Variants in GLRX5 observed in about 807,000 individuals in gnomAD.
The protein encoded by GLRX5 is glutaredoxin-related protein 5, mitochondrial.
GLRX5 carries 10 observed loss-of-function variants against 13.8 expected under a neutral mutation model. The ratio of observed to expected loss-of-function variants is 0.72; its 90% CI spans 0.45 to 1.23. GLRX5 has a LOEUF of 1.23. GLRX5 is among the 50% of genes most tolerant of loss of function. GLRX5 has a pLI of 0.00. For synonymous variants in GLRX5, 98 were observed against 101.1 expected, an observed-to-expected ratio of 0.97 and a Z score of 0.18; for missense variants, 233 against 215.2, an observed-to-expected ratio of 1.08 and a Z score of -0.52.
Position 95,544,212 on chromosome 14 carries a change from C to T in GLRX5, c.*87C>T. 3 of 1,075,002 alleles carry T rather than the reference C, an allele frequency of 2.8e-6. No homozygotes were observed. The highest frequency in any genetic ancestry group is 4.2e-6 in the Non-Finnish European group (3 of 711,214). The allele number at this position is 1,075,002 out of a possible 1,614,324, so 66.6% of individuals were successfully genotyped here. ...AAAGCCTTACCCATTTTGGTTTTCACTATTGAGACCGCAACTGCTTGCACT... is the reference window on the plus strand; with the variant it reads ...AAAGCCTTACCCATTTTGGTTTTCATTATTGAGACCGCAACTGCTTGCACT... On this transcript the variant is annotated 3_prime_UTR_variant, in exon 2 of 2. Coordinates refer to ENST00000331334, the MANE Select transcript of GLRX5 (RefSeq NM_016417.3).
In GLRX5 at chr14:95,535,236, G is replaced by A. The variant is rs1208651112; in HGVS notation, c.147G>A (p.Val49=). 1.3e-6 allele frequency: 2 copies of A among 1,563,988 alleles called. No homozygotes were observed. Among genetic ancestry groups the A allele is most frequent in the Non-Finnish European group, 1.7e-6 (2 of 1,156,944 alleles). ...CGGCGGAGCAGTTGGACGCGCTGGTGAAGAAGGACAAGGTGGTGGTCTTCC... is the reference window on the plus strand; with the variant it reads ...CGGCGGAGCAGTTGGACGCGCTGGTAAAGAAGGACAAGGTGGTGGTCTTCC... ...GGSAEQLDAL[V]KKDKVVVFLK... Residue 49 remains valine, a synonymous_variant, in exon 1 of 2, where the codon GTG becomes GTA. Coordinates refer to ENST00000331334, the MANE Select transcript of GLRX5 (RefSeq NM_016417.3).
In GLRX5 at chr14:95,543,981, G is replaced by T. The variant is rs200453045; in HGVS notation, c.330G>T (p.Pro110=). 6.2e-7 allele frequency: 1 copy of T among 1,613,964 alleles called. No individual in the cohort carries two copies. The highest frequency in any genetic ancestry group is 8.5e-7 in the Non-Finnish European group (1 of 1,179,840). The part of the protein sequence containing the change: ...IKDYSNWPTI[P]QVYLNGEFVG... ...ACTATTCCAACTGGCCCACCATCCCGCAAGTGTACCTCAATGGCGAGTTTG... is the reference window on the plus strand; with the variant it reads ...ACTATTCCAACTGGCCCACCATCCCTCAAGTGTACCTCAATGGCGAGTTTG... The change falls in exon 2 of 2, where the codon CCG becomes CCT. Residue 110 remains proline (P), a synonymous_variant. Transcript: ENST00000331334.
Position 95,535,173 on chromosome 14 carries a change from C to G in GLRX5, c.84C>G (p.Gly28=), listed in dbSNP as rs1566702417. The part of the protein sequence containing the change: ...GAGGGGLWGP[G]VRAAGSGAGG... Reference sequence around the variant, plus strand: ...GCGGCGGTGGCCTTTGGGGTCCGGGCGTGCGGGCGGCGGGCTCGGGCGCGG... The same window carrying G: ...GCGGCGGTGGCCTTTGGGGTCCGGGGGTGCGGGCGGCGGGCTCGGGCGCGG... The change falls in exon 1 of 2, where the codon GGC becomes GGG. Residue 28 remains glycine (G), a synonymous_variant. Coordinates refer to ENST00000331334, the MANE Select transcript of GLRX5 (RefSeq NM_016417.3). 2 of 1,461,338 alleles carry G rather than the reference C, an allele frequency of 1.4e-6. No individual in the cohort carries two copies. Among genetic ancestry groups the G allele is most frequent in the Admixed American group, 2.4e-5 (1 of 42,026 alleles). 90.5% of individuals were successfully genotyped at this position (1,461,338 alleles called of 1,614,324 possible).
At position 95,535,050 on chromosome 14, in the gene GLRX5, G is replaced by A; in HGVS notation, c.-40G>A. On this transcript the variant is annotated 5_prime_UTR_variant, in exon 1 of 2. It adds an upstream start codon to the 5' untranslated region. Transcript: ENST00000331334. The stretch of plus-strand genomic sequence containing the variant: ...CGGGGAGCGCTCTGGGTGGCCAGCT[G>A]TGGGCCCGGGCCGTCGTGGGCTCCG... 1.5e-6 allele frequency: 2 copies of A among 1,304,692 alleles called. No individual in the cohort carries two copies. The allele number at this position is 1,304,692 out of a possible 1,614,324, so 80.8% of individuals were successfully genotyped here. A position where few individuals can be genotyped will look rare whatever the true frequency, so the allele number is the denominator to read the frequency against.
intron 1 of GLRX5, among the ~76,000 whole-genome samples, chr14:95,537,799 TGATACA>T (rs1891405741): frequency 6.6e-6 from 1 of 152,234 alleles, no homozygotes; most frequent in Non-Finnish European, 1.5e-5. Flanking sequence ...CCCAGGAGTG[TGATACA>T]GACACATCTT....
chr14:95,543,265 G>A (rs1387167764), intron 1 of GLRX5: 1 of 448,618 alleles, frequency 2.2e-6, no homozygotes, highest in Non-Finnish European at 4.5e-6. Context: ...CATCACAGTG[G>A]CTGGATAGAT....
At chr14:95,541,656 G>T (rs967567738) in intron 1 of GLRX5, among the ~76,000 whole-genome samples, 1 of 152,174 alleles carries the variant, frequency 6.6e-6, no homozygotes, top group African/African-American at 2.4e-5. Context: ...GATTCTGGGG[G>T]TCTCCCCTTC....
chr14:95,538,238 TAATA>T (rs1237861558), intron 1 of GLRX5, among the ~76,000 whole-genome samples: 5 of 152,350 alleles, frequency 3.3e-5, no homozygotes, highest in Admixed American at 1.3e-4. Context: ...GTGAGCATTT[TAATA>T]AATAAATAAA....
At chr14:95,535,522 T>A in intron 1 of GLRX5, 138 bp downstream of exon 1, 1 of 806,500 alleles carries the variant, frequency 1.2e-6, no homozygotes, top group Non-Finnish European at 2.0e-6. Context: ...CGAGCCGGGT[T>A]AGGGCGAGGA....
chr14:95,542,075 A>G (rs1891482999), intron 1 of GLRX5, among the ~76,000 whole-genome samples: 1 of 152,360 alleles, frequency 6.6e-6, no homozygotes, highest in Middle Eastern at 3.4e-3. Flanking sequence ...CTCAGTCATC[A>G]TAAAGGTAAA....
chr14:95,537,846 A>G (rs1479685347), intron 1 of GLRX5, among the ~76,000 whole-genome samples: 1 of 152,240 alleles, frequency 6.6e-6, no homozygotes, highest in Non-Finnish European at 1.5e-5. Flanking sequence ...AAAGGTGACT[A>G]TGAGGCAGCA....
At chr14:95,536,462 C>T (rs978049623) in intron 1 of GLRX5, among the ~76,000 whole-genome samples, 1 of 152,172 alleles carries the variant, frequency 6.6e-6, no homozygotes, top group African/African-American at 2.4e-5. Flanking sequence ...AAAATAGGTG[C>T]CAGGTTCTCT....
At chr14:95,539,843 T>C (rs1263176163) in intron 1 of GLRX5, among the ~76,000 whole-genome samples, 1 of 152,160 alleles carries the variant, frequency 6.6e-6, no homozygotes, top group Non-Finnish European at 1.5e-5. Flanking sequence ...GTAAAACGCT[T>C]AAAGAGTATG....
Position 95,535,114 on chromosome 14 carries a change from G to A in GLRX5, c.25G>A (p.Ala9Thr), listed in dbSNP as rs1168665176. Residue 9 changes from alanine (A) to threonine (T), a missense_variant, in exon 1 of 2, where the codon GCG becomes ACG. Ala to Thr is a moderately conservative substitution (Grantham distance 58). Transcript: ENST00000331334. ...GATGAGCGGGTCCCTCGGCCGAGCTGCGGCGGCTCTGCTCCGCTGGGGGCG... is the reference window on the plus strand; with the variant it reads ...GATGAGCGGGTCCCTCGGCCGAGCTACGGCGGCTCTGCTCCGCTGGGGGCG... MSGSLGRAAAALLRWGRGA... is the reference protein window; with the variant it reads MSGSLGRATAALLRWGRGA... 7 of 1,308,176 alleles carry A rather than the reference G, an allele frequency of 5.4e-6. No individual in the cohort carries two copies. In the African/African-American group the frequency reaches 7.7e-5, roughly 14 times the overall value. 81.0% of individuals were successfully genotyped at this position (1,308,176 alleles called of 1,614,324 possible). A position where few individuals can be genotyped will look rare whatever the true frequency, so the allele number is the denominator to read the frequency against.
At chr14:95,539,958 C>T (rs966949960) in intron 1 of GLRX5, among the ~76,000 whole-genome samples, 9 of 151,416 alleles carry the variant, frequency 5.9e-5, no homozygotes, top group African/African-American at 1.9e-4. Context: ...GGGGCAATCT[C>T]GGCTCACTGC....
At chr14:95,535,960 A>G (rs1891369730) in intron 1 of GLRX5, among the ~76,000 whole-genome samples, 1 of 152,110 alleles carries the variant, frequency 6.6e-6, no homozygotes, top group South Asian at 2.1e-4. Context: ...GCTACAAGCA[A>G]AGGGTTGGGA....
At chr14:95,543,533 T>G in intron 1 of GLRX5, 1 of 315,276 alleles carries the variant, frequency 3.2e-6, no homozygotes. Flanking sequence ...GCTTGAAGCT[T>G]GACTGGTAGA....
rs568008972 is a variant in GLRX5 at position 95,537,678 on chromosome 14, G to A, written c.295+2294G>A. Among the ~76,000 whole-genome samples the A allele has an allele frequency of 4.9e-4, 75 of 152,334 alleles. 1 individual carries two copies. The highest frequency in any genetic ancestry group is 1.6e-3 in the African/African-American group (68 of 41,582). On this transcript the variant is annotated intron_variant, in intron 1 of 1. Coordinates refer to ENST00000331334, the MANE Select transcript of GLRX5 (RefSeq NM_016417.3). ...CAAGGTCATTTCTAGTAATAGGAAC[G>A]GAGCTCTTGCAAAACTGGCCTTTTG...
intron 1 of GLRX5, among the ~76,000 whole-genome samples, chr14:95,541,974 T>G (rs1041330224): frequency 1.3e-5 from 2 of 152,222 alleles, no homozygotes; most frequent in Non-Finnish European, 2.9e-5. Flanking sequence ...ACATAAATGA[T>G]TCATTTGTAT....
Sources: allele counts gnomAD v4.1 joint callset (sites outside exome capture counted in the v4.1 genomes callset), GRCh38; gene constraint gnomAD v4.1.1; transcripts MANE v1.5; gene names NCBI Gene and HGNC (gene_info 2026-07-23, HGNC 2026-07-21).